The following KIFAP3 variants were observed in gnomAD, a reference collection of about 807,000 sequenced individuals.
KIFAP3 encodes the protein kinesin-associated protein 3.
A neutral mutation model predicts 106.5 loss-of-function variants in KIFAP3; 68 were observed. The ratio of observed to expected loss-of-function variants is 0.64; its 90% CI spans 0.53 to 0.78. The LOEUF is 0.78. Among genes scored for constraint, KIFAP3 ranks in the 30% least tolerant of loss-of-function variants. The probability of loss-of-function intolerance (pLI) is 0.00; values close to 1 mark genes in which losing one functional copy is unlikely to be tolerated. For missense variants in KIFAP3, 780 were observed against 941.8 expected (o/e 0.83, Z 2.25); for synonymous variants, 320 against 311.5 (o/e 1.03, Z -0.29).
At chr1:169,944,618 T>G (rs1288408752) in intron 19 of KIFAP3, among the ~76,000 whole-genome samples, 3 of 152,050 alleles carry the variant, frequency 2.0e-5, no homozygotes, top group African/African-American at 7.2e-5. Context: ...TGAGGTTAAG[T>G]GGACAACTGG....
chr1:170,024,347 AT>A (rs1571686313), intron 9 of KIFAP3, 70 bp downstream of exon 9: 1 of 1,013,404 alleles, frequency 9.9e-7, no homozygotes, highest in East Asian at 2.6e-5. Context: ...AAAGTGTTTA[AT>A]TTTTTTCAAA....
chr1:170,005,089 C>CA (rs1482029441), intron 10 of KIFAP3, among the ~76,000 whole-genome samples: 119 of 151,624 alleles, frequency 7.8e-4, no homozygotes, highest in African/African-American at 2.8e-3. Flanking sequence ...TTTATGCAGC[C>CA]AAAAAACACA....
intron 2 of KIFAP3, among the ~76,000 whole-genome samples, chr1:170,050,337 A>G (rs61825353): frequency 0.1 from 15,941 of 152,202 alleles, 992 homozygotes; most frequent in Admixed American, 0.18. Context: ...GAAATATGGG[A>G]CTATGTGAAA....
At chr1:170,044,804 CT>C (rs1571722622) in intron 3 of KIFAP3, among the ~76,000 whole-genome samples, 1 of 152,184 alleles carries the variant, frequency 6.6e-6, no homozygotes, top group African/African-American at 2.4e-5. Context: ...TGACAAAGAG[CT>C]GCCTGGTTTA....
At chr1:169,964,777 T>C (rs1357199093) in intron 17 of KIFAP3, among the ~76,000 whole-genome samples, 3 of 152,200 alleles carry the variant, frequency 2.0e-5, no homozygotes, top group Non-Finnish European at 4.4e-5. Context: ...AATATAGGCA[T>C]ATGATCAGCT....
At chr1:170,010,547 A>C (rs1485762793) in intron 10 of KIFAP3, among the ~76,000 whole-genome samples, 1 of 151,910 alleles carries the variant, frequency 6.6e-6, no homozygotes, top group Non-Finnish European at 1.5e-5. Context: ...AAATCACAGA[A>C]CCTTAATTTT....
At chr1:170,056,045 C>G (rs1450436848) in intron 1 of KIFAP3, among the ~76,000 whole-genome samples, 1 of 151,762 alleles carries the variant, frequency 6.6e-6, no homozygotes, top group Non-Finnish European at 1.5e-5. Context: ...GCGGGAGGAT[C>G]ACTTGAGCCC....
At chr1:169,978,260 T>C (rs1049002596) in intron 15 of KIFAP3, 77 bp from the exon 16 acceptor site, 6 of 934,806 alleles carry the variant, frequency 6.4e-6, no homozygotes, top group African/African-American at 3.4e-5. Flanking sequence ...GGGAATAATA[T>C]AGAACGAGAA....
rs1669006294 is a variant in KIFAP3 at position 170,024,342 on chromosome 1, GT to G, written c.1020+75del. 1.4e-5 allele frequency: 13 copies of G among 911,014 alleles called. No homozygotes were observed. In the South Asian group the frequency reaches 2.0e-4, roughly 14 times the overall value. 56.4% of individuals were successfully genotyped at this position (911,014 alleles called of 1,614,324 possible). Reference sequence around the variant, plus strand: ...AATTATCTCGGTAGGGGAATAAAGTGTTTAATTTTTTTCAAAATATTCTAAC... The same window carrying G: ...AATTATCTCGGTAGGGGAATAAAGTGTTAATTTTTTTCAAAATATTCTAAC... On this transcript the variant is annotated intron_variant, in intron 9 of 19. Transcript: ENST00000361580.
At chr1:169,973,069 T>C (rs1184328680) in intron 16 of KIFAP3, among the ~76,000 whole-genome samples, 1 of 117,014 alleles carries the variant, frequency 8.5e-6, no homozygotes, top group Non-Finnish European at 1.7e-5. Context: ...CAACCTAAAA[T>C]ATCAAAAGAG....
At chr1:170,057,034 A>G (rs1330643879) in intron 1 of KIFAP3, among the ~76,000 whole-genome samples, 1 of 152,194 alleles carries the variant, frequency 6.6e-6, no homozygotes, top group Non-Finnish European at 1.5e-5. Flanking sequence ...CTGAAAACAG[A>G]TATAATGTAG....
At chr1:169,965,868 A>G (rs1222652651) in intron 17 of KIFAP3, among the ~76,000 whole-genome samples, 2 of 151,972 alleles carry the variant, frequency 1.3e-5, no homozygotes, top group African/African-American at 4.8e-5. Flanking sequence ...TCCATGACTA[A>G]CTTTTGATAT....
chr1:170,009,560 C>T (rs1387046736), intron 10 of KIFAP3, among the ~76,000 whole-genome samples: 1 of 152,134 alleles, frequency 6.6e-6, no homozygotes, highest in Non-Finnish European at 1.5e-5. Context: ...AAACCATCCT[C>T]AAGCATATCA....
At chr1:170,084,653 T>C (rs966223334) in intron 1 of KIFAP3, among the ~76,000 whole-genome samples, 1 of 152,106 alleles carries the variant, frequency 6.6e-6, no homozygotes, top group Non-Finnish European at 1.5e-5. Flanking sequence ...AAGGCAATAG[T>C]ACATACAAGG....
At chr1:170,049,850 C>G (rs1462052532) in intron 2 of KIFAP3, among the ~76,000 whole-genome samples, 2 of 151,584 alleles carry the variant, frequency 1.3e-5, no homozygotes, top group Non-Finnish European at 2.9e-5. Context: ...TCATCAGCCT[C>G]AAAGATCAAA....
intron 3 of KIFAP3, among the ~76,000 whole-genome samples, chr1:170,045,213 T>G (rs1200999464): frequency 6.6e-6 from 1 of 152,132 alleles, no homozygotes; most frequent in Non-Finnish European, 1.5e-5. Context: ...CCTTCCATCT[T>G]GTCTATGTAG....
Position 169,983,222 on chromosome 1 carries a change from A to C in KIFAP3, c.1506+48T>G, listed in dbSNP as rs956431807. ...TAAGAGCTGTATTTCCAAATGTAGC[A>C]ATTTCAATTCCCAGTCTATTTGAAT... On this transcript the variant is annotated intron_variant, in intron 13 of 19. Coordinates refer to ENST00000361580, the MANE Select transcript of KIFAP3 (RefSeq NM_014970.4). The C allele has an allele frequency of 2.9e-6, 3 of 1,050,218 alleles. No homozygotes were observed. In the African/African-American group the frequency reaches 4.9e-5, roughly 17 times the overall value. 65.1% of individuals were successfully genotyped at this position (1,050,218 alleles called of 1,614,324 possible).
chr1:169,977,955 T>C (rs1666315299), intron 16 of KIFAP3, 130 bp downstream of exon 16: 1 of 672,186 alleles, frequency 1.5e-6, no homozygotes, highest in African/African-American at 1.8e-5. Flanking sequence ...ATAGGTTATC[T>C]TGTAAATTTA....
At chr1:170,001,048 C>A (rs1429910550) in intron 10 of KIFAP3, among the ~76,000 whole-genome samples, 1 of 152,038 alleles carries the variant, frequency 6.6e-6, no homozygotes, top group South Asian at 2.1e-4. Context: ...TTATATAGAA[C>A]ATTTTTGATA....
Sources: allele counts gnomAD v4.1 joint callset (sites outside exome capture counted in the v4.1 genomes callset), GRCh38; gene constraint gnomAD v4.1.1; transcripts MANE v1.5; gene names NCBI Gene and HGNC (gene_info 2026-07-23, HGNC 2026-07-21).